Variants in LYPLAL1 observed in about 807,000 individuals in gnomAD.
LYPLAL1 encodes the protein lysophospholipase like 1.
Under a neutral mutation model 19.7 loss-of-function variants are expected in LYPLAL1, and 23 were observed. That is an observed-to-expected ratio of 1.17 (90% CI 0.84 to 1.65). The LOEUF is 1.65. LYPLAL1 is among the 40% of genes most tolerant of loss of function. LYPLAL1 has a pLI of 0.00. For missense variants in LYPLAL1, 355 were observed against 279.4 expected, an observed-to-expected ratio of 1.27 and a Z score of -1.93; for synonymous variants, 119 against 96.3, an observed-to-expected ratio of 1.24 and a Z score of -1.38.
chr1:219,226,538 A>G, the LYPLAL1 span, among the ~76,000 whole-genome samples: 1 of 152,136 alleles, frequency 6.6e-6, no homozygotes, highest in Non-Finnish European at 1.5e-5. Context: ...GATAGCTGCT[A>G]TCAGCTGAAA....
In LYPLAL1 at chr1:219,210,662, T is replaced by TAA. The variant is rs547484810; in HGVS notation, c.477+23_477+24dup. 5 of 1,572,920 alleles carry TAA rather than the reference T, an allele frequency of 3.2e-6. No individual in the cohort carries two copies. Among genetic ancestry groups the TAA allele is most frequent in the Non-Finnish European group, 4.3e-6 (5 of 1,160,936 alleles). On this transcript the variant is annotated intron_variant, in intron 4 of 4. Coordinates refer to ENST00000366928, the MANE Select transcript of LYPLAL1 (RefSeq NM_138794.5). Reference sequence around the variant, plus strand: ...CTGTTTACCAGGTAAGTTCCAGATTTAAAAAAAAATGAAAAAAATATGAAA... The same window carrying TAA: ...CTGTTTACCAGGTAAGTTCCAGATTTAAAAAAAAAAATGAAAAAAATATGAAA...
chr1:219,257,690 G>A, the LYPLAL1 span, among the ~76,000 whole-genome samples: 2 of 152,006 alleles, frequency 1.3e-5, no homozygotes, highest in Admixed American at 1.3e-4. Flanking sequence ...AGATCACAAG[G>A]CAAAGAGCAA....
the LYPLAL1 span, among the ~76,000 whole-genome samples, chr1:219,307,591 A>G: frequency 0.32 from 48,940 of 152,066 alleles, 8,317 homozygotes; most frequent in East Asian, 0.61. Flanking sequence ...AGGACAAGAT[A>G]CATGTCAATA....
the LYPLAL1 span, among the ~76,000 whole-genome samples, chr1:219,399,070 C>T: frequency 6.6e-6 from 1 of 152,150 alleles, no homozygotes; most frequent in Non-Finnish European, 1.5e-5. Context: ...GGGAGGGGCA[C>T]CCTTGTTGGC....
At chr1:219,267,013 T>C in the LYPLAL1 span, among the ~76,000 whole-genome samples, 4 of 152,296 alleles carry the variant, frequency 2.6e-5, no homozygotes, top group African/African-American at 9.6e-5. Flanking sequence ...ATGGATGAAT[T>C]ACTTAATGCT....
the LYPLAL1 span, among the ~76,000 whole-genome samples, chr1:219,440,609 A>G: frequency 6.6e-6 from 1 of 152,202 alleles, no homozygotes; most frequent in Non-Finnish European, 1.5e-5. Flanking sequence ...CTTAGTTAAT[A>G]ATGGCTATAG....
At chr1:219,445,068 TA>T in the LYPLAL1 span, among the ~76,000 whole-genome samples, 2,095 of 143,044 alleles carry the variant, frequency 0.015, 37 homozygotes, top group African/African-American at 0.048. Flanking sequence ...ATCCTGTGAA[TA>T]AAAAAAAAAA....
the LYPLAL1 span, among the ~76,000 whole-genome samples, chr1:219,417,217 G>A: frequency 6.6e-6 from 1 of 150,636 alleles, no homozygotes; most frequent in Non-Finnish European, 1.5e-5. Flanking sequence ...CATTGGTATA[G>A]GAAATTTTTC....
the LYPLAL1 span, among the ~76,000 whole-genome samples, chr1:219,250,325 A>G: frequency 1.4e-3 from 215 of 152,060 alleles, 1 homozygote; most frequent in Non-Finnish European, 2.1e-3. Flanking sequence ...TTGTGACCAC[A>G]TATCTGTGTT....
At chr1:219,199,546 A>C (rs1029571599) in intron 3 of LYPLAL1, among the ~76,000 whole-genome samples, 6 of 150,358 alleles carry the variant, frequency 4.0e-5, no homozygotes, top group African/African-American at 1.2e-4. Flanking sequence ...GGGTTCAAGC[A>C]ATTCTCCTGT....
chr1:219,174,853 C>T, intron 1 of LYPLAL1: 1 of 971,176 alleles, frequency 1.0e-6, no homozygotes, highest in African/African-American at 1.8e-5. Flanking sequence ...AAAACAAAAA[C>T]AATCCAATTA....
chr1:219,319,348 A>T, the LYPLAL1 span, among the ~76,000 whole-genome samples: 12 of 152,168 alleles, frequency 7.9e-5, no homozygotes, highest in Admixed American at 1.3e-4. Flanking sequence ...AAGCTTCCCC[A>T]TCGAGTTGGA....
the LYPLAL1 span, among the ~76,000 whole-genome samples, chr1:219,443,087 A>C: frequency 6.6e-6 from 1 of 151,900 alleles, no homozygotes; most frequent in Non-Finnish European, 1.5e-5. Context: ...TCTGCTGGAA[A>C]AAAAAAAAAA....
the LYPLAL1 span, among the ~76,000 whole-genome samples, chr1:219,227,229 A>G: frequency 6.6e-6 from 1 of 152,246 alleles, no homozygotes; most frequent in Non-Finnish European, 1.5e-5. Context: ...CTAGTAGCAC[A>G]TCCATATTCC....
At chr1:219,327,118 A>C in the LYPLAL1 span, among the ~76,000 whole-genome samples, 7 of 152,218 alleles carry the variant, frequency 4.6e-5, no homozygotes, top group East Asian at 1.9e-4. Context: ...ACAAACAAAC[A>C]AAAAAACAGC....
chr1:219,270,889 A>C, the LYPLAL1 span: 1 of 152,160 alleles, frequency 6.6e-6, no homozygotes, highest in South Asian at 2.1e-4. Context: ...ACAAACAAGA[A>C]AAGAAGGGCT....
At chr1:219,189,671 C>CT (rs1656990446) in intron 2 of LYPLAL1, among the ~76,000 whole-genome samples, 2 of 151,458 alleles carry the variant, frequency 1.3e-5, no homozygotes, top group Admixed American at 1.3e-4. Context: ...AAGATTTTAT[C>CT]TTTTCTGCAG....
chr1:219,190,981 G>C lies in LYPLAL1; in HGVS notation c.192-2101G>C, dbSNP rs1558229222. 1.3e-5 allele frequency among the ~76,000 whole-genome samples: 2 copies of C among 151,492 alleles called. 1 individual carries two copies. The highest frequency in any genetic ancestry group is 4.8e-5 in the African/African-American group (2 of 41,334). On this transcript the variant is annotated intron_variant, in intron 2 of 4. Coordinates refer to ENST00000366928, the MANE Select transcript of LYPLAL1 (RefSeq NM_138794.5). ...GGAGATGGTGGTTGCATTGTAAAAA[G>C]TAATTGAACTATACACCTAAAATGT...
chr1:219,225,964 C>T, the LYPLAL1 span, among the ~76,000 whole-genome samples: 2 of 152,172 alleles, frequency 1.3e-5, no homozygotes, highest in Non-Finnish European at 2.9e-5. Context: ...ACCTGGAATG[C>T]TCTTTCCTTC....
Sources: allele counts gnomAD v4.1 joint callset (sites outside exome capture counted in the v4.1 genomes callset), GRCh38; gene constraint gnomAD v4.1.1; transcripts MANE v1.5; gene names NCBI Gene and HGNC (gene_info 2026-07-23, HGNC 2026-07-21).